Variants in RREB1 observed in about 807,000 individuals in gnomAD.
RREB1 encodes ras-responsive element-binding protein 1.
Under a neutral mutation model 117.8 loss-of-function variants are expected in RREB1, and 27 were observed. The ratio of observed to expected loss-of-function variants is 0.23; its 90% confidence interval spans 0.17 to 0.32. RREB1 has a LOEUF of 0.32. Among genes scored for constraint, RREB1 ranks in the 10% least tolerant of loss-of-function variants. The pLI is 1.00. For missense variants in RREB1, 2,577 were observed against 2,378.2 expected (o/e 1.08, Z -1.74); for synonymous variants, 1,298 against 1,026.7 (o/e 1.26, Z -5.05).
At chr6:7,129,916 A>G (rs1762081992) in intron 1 of RREB1, among the ~76,000 whole-genome samples, 1 of 152,186 alleles carries the variant, frequency 6.6e-6, no homozygotes, top group African/African-American at 2.4e-5. Flanking sequence ...CCTCTGGTTT[A>G]CTGAAGGTAG....
At chr6:7,165,993 C>G (rs1763909961) in intron 1 of RREB1, among the ~76,000 whole-genome samples, 2 of 152,198 alleles carry the variant, frequency 1.3e-5, no homozygotes, top group Admixed American at 6.5e-5. Flanking sequence ...AGCAAGTGAA[C>G]AAGTGTGCTT....
At chr6:7,221,461 C>T (rs1275019614) in intron 8 of RREB1, among the ~76,000 whole-genome samples, 8 of 152,184 alleles carry the variant, frequency 5.3e-5, no homozygotes, top group Middle Eastern at 3.4e-3. Flanking sequence ...CGTGAGCCAC[C>T]GCGCCCGGCC....
At chr6:7,216,109 C>A (rs1766885848) in intron 8 of RREB1, 1 of 152,208 alleles carries the variant, frequency 6.6e-6, no homozygotes, top group Non-Finnish European at 1.5e-5. Flanking sequence ...ATGTACCCAG[C>A]AAATGATTGA....
intron 1 of RREB1, among the ~76,000 whole-genome samples, chr6:7,170,293 T>C (rs1764149586): frequency 6.6e-6 from 1 of 152,158 alleles, no homozygotes; most frequent in Admixed American, 6.5e-5. Context: ...GGTGAGCAGT[T>C]TCCAAGGCTG....
chr6:7,232,905 C>A (rs1768090456), intron 10 of RREB1, among the ~76,000 whole-genome samples: 1 of 150,854 alleles, frequency 6.6e-6, no homozygotes, highest in South Asian at 2.1e-4. Context: ...AAGTATTTTT[C>A]TTTTTTTGAG....
intron 1 of RREB1, chr6:7,108,751 G>C (rs188762161): frequency 0.039 from 5,885 of 151,936 alleles, 144 homozygotes; most frequent in Middle Eastern, 0.062. Flanking sequence ...TGCCTGCTCG[G>C]GGCTGCTCGG....
At chr6:7,181,371 G>A (rs576902339) in intron 3 of RREB1, 125 bp downstream of exon 3, 7 of 400,220 alleles carry the variant, frequency 1.7e-5, no homozygotes, top group South Asian at 1.3e-4. Context: ...CTCTGATAGC[G>A]TTGGCTTCTT....
At chr6:7,156,797 G>C (rs80285599) in intron 1 of RREB1, among the ~76,000 whole-genome samples, 6,242 of 152,262 alleles carry the variant, frequency 0.041, 149 homozygotes, top group Non-Finnish European at 0.051. Context: ...CTTCTCCTTA[G>C]CCAGCCATCC....
At position 7,230,002 on chromosome 6, in the gene RREB1, A is replaced by T; in HGVS notation, c.1903A>T (p.Thr635Ser). 2 of 1,606,846 alleles carry T rather than the reference A, an allele frequency of 1.2e-6. No individual in the cohort carries two copies. The highest frequency in any genetic ancestry group is 1.7e-6 in the Non-Finnish European group (2 of 1,175,294). Residue 635 changes from threonine to serine, a missense_variant, in exon 10 of 13, where the codon ACG (threonine) becomes TCG (serine). Physicochemically the swap from Thr to Ser is moderately conservative, Grantham distance 58. Transcript: ENST00000379938. ...CATGACAGCGCCCGGCGGCAAGAAG[A>T]CGCCCGCCATGCGCAAGGTGCTCTA... is the stretch of plus-strand genomic sequence containing the variant. ...AFMTAPGGKK[T>S]PAMRKVLYPC...
chr6:7,207,009 G>A (rs1030341252), intron 6 of RREB1, among the ~76,000 whole-genome samples: 38 of 152,160 alleles, frequency 2.5e-4, no homozygotes, highest in African/African-American at 8.2e-4. Context: ...TTAAGCAGGG[G>A]AGTGGTATGA....
At chr6:7,190,423 A>G (rs1331825592) in intron 6 of RREB1, among the ~76,000 whole-genome samples, 1 of 152,242 alleles carries the variant, frequency 6.6e-6, no homozygotes, top group Non-Finnish European at 1.5e-5. Flanking sequence ...CTAAGCACTC[A>G]GTGTTTATTA....
chr6:7,186,048 A>C, intron 4 of RREB1, among the ~76,000 whole-genome samples: 1 of 152,198 alleles, frequency 6.6e-6, no homozygotes, highest in Non-Finnish European at 1.5e-5. Flanking sequence ...TGTTATTTGC[A>C]AGGAGCAGAA....
Position 7,248,655 on chromosome 6 carries a change from A to G in RREB1, c.4916A>G (p.Asp1639Gly). ...GACAAGGAAGAGCGGGGTGAGGAGG[A>G]CAGCGAGAATGAGTCCACCCACAGC... is the stretch of plus-strand genomic sequence containing the variant. ...DSDKEERGEEDSENESTHSGN... is the reference protein window; with the variant it reads ...DSDKEERGEEGSENESTHSGN... The change falls in exon 13 of 13, where the codon GAC (aspartate) becomes GGC (glycine). Residue 1639 changes from aspartate to glycine, a missense_variant. Physicochemically the swap from Asp to Gly is moderately conservative, Grantham distance 94. Coordinates refer to ENST00000379938, the MANE Select transcript of RREB1 (RefSeq NM_001003699.4). 1 of 1,614,222 alleles carries G rather than the reference A, an allele frequency of 6.2e-7. No individual in the cohort carries two copies. Among genetic ancestry groups the G allele is most frequent in the South Asian group, 1.1e-5 (1 of 91,086 alleles).
rs73719071 is a variant in RREB1, at chr6:7,248,170, A to G, written c.4772-341A>G. Among the ~76,000 whole-genome samples, 1,000 of 151,784 alleles carry G rather than the reference A, an allele frequency of 6.6e-3. 10 individuals carry two copies. Among genetic ancestry groups the G allele is most frequent in the South Asian group, 0.03 (146 of 4,802 alleles). Reference sequence around the variant, plus strand: ...TCCATACAGATCCCTGAGAGGGTCCACTCCTGTCCCCCTCTAGATTCCTTC... The same window carrying G: ...TCCATACAGATCCCTGAGAGGGTCCGCTCCTGTCCCCCTCTAGATTCCTTC... On this transcript the variant is annotated intron_variant, in intron 12 of 12. Transcript: ENST00000379938.
chr6:7,108,746 G>A (rs1045710790), intron 1 of RREB1: 5 of 151,856 alleles, frequency 3.3e-5, no homozygotes, highest in African/African-American at 1.2e-4. Context: ...GGGGGTGCCT[G>A]CTCGGGGCTG....
Position 7,230,174 on chromosome 6 carries a change from C to G in RREB1, c.2075C>G (p.Thr692Arg). The G allele has an allele frequency of 1.2e-6, 2 of 1,607,060 alleles. No individual in the cohort carries two copies. Among genetic ancestry groups the G allele is most frequent in the South Asian group, 1.1e-5 (1 of 91,078 alleles). Residue 692 changes from threonine to arginine, a missense_variant, in exon 10 of 13, where the codon ACG (threonine) becomes AGG (arginine). Physicochemically the swap from Thr to Arg is moderately conservative, Grantham distance 71. Coordinates refer to ENST00000379938, the MANE Select transcript of RREB1 (RefSeq NM_001003699.4). ...DKAALIRHLR[T>R]HSGERPYICK... ...GCCGCGCTCATCCGCCACCTGCGCACGCACAGTGGGGAGCGGCCCTACATT... is the reference window on the plus strand; with the variant it reads ...GCCGCGCTCATCCGCCACCTGCGCAGGCACAGTGGGGAGCGGCCCTACATT...
At chr6:7,201,886 G>GT (rs1766006320) in intron 6 of RREB1, among the ~76,000 whole-genome samples, 1 of 152,132 alleles carries the variant, frequency 6.6e-6, no homozygotes, top group African/African-American at 2.4e-5. Flanking sequence ...GTTTCTGTTG[G>GT]TAGATGGTGT....
rs771534976 is a variant in RREB1 at position 7,230,499 on chromosome 6, G to A, written c.2400G>A (p.Ala800=). ...GCAAGGAGTGCAGCGCCGCGTTCGC[G>A]GCCAAGCGCAACTGCATCCACCACA... ...FECKECSAAF[A]AKRNCIHHIL... The change falls in exon 10 of 13, where the codon GCG becomes GCA. Residue 800 remains alanine (A), a synonymous_variant. Coordinates refer to ENST00000379938, the MANE Select transcript of RREB1 (RefSeq NM_001003699.4). 2.5e-6 allele frequency: 4 copies of A among 1,593,336 alleles called. No homozygotes were observed. Among genetic ancestry groups the A allele is most frequent in the South Asian group, 2.2e-5 (2 of 90,364 alleles).
chr6:7,109,085 GCGGGGCCGGCCGC>G (rs1254991920), intron 1 of RREB1, among the ~76,000 whole-genome samples: 1 of 151,802 alleles, frequency 6.6e-6, no homozygotes, highest in African/African-American at 2.4e-5. Context: ...AGCATCCGAG[GCGGGGCCGGCCGC>G]CGGGGCCCGC....
Sources: allele counts gnomAD v4.1 joint callset (sites outside exome capture counted in the v4.1 genomes callset), GRCh38; gene constraint gnomAD v4.1.1; transcripts MANE v1.5; gene names NCBI Gene and HGNC (gene_info 2026-07-23, HGNC 2026-07-21).